HS2ST1: variants seen among roughly 807,000 people sequenced by gnomAD.
HS2ST1 encodes heparan sulfate 2-O-sulfotransferase 1, also known as 2-O-sulfotransferase.
A neutral mutation model predicts 42.9 loss-of-function variants in HS2ST1; 18 were observed. The ratio of observed to expected loss-of-function variants is 0.42; its 90% CI spans 0.29 to 0.62. The LOEUF (loss-of-function observed/expected upper bound fraction) is 0.62, where lower values mean the gene tolerates loss of function less well. HS2ST1 is among the 20% of genes least tolerant of loss of function. HS2ST1 has a pLI of 0.21. For missense variants in HS2ST1, 334 were observed against 433.8 expected, an observed-to-expected ratio of 0.77 and a Z score of 2.04; for synonymous variants, 146 against 152.9, an observed-to-expected ratio of 0.95 and a Z score of 0.33.
chr1:87,065,449 A>G (rs1185456946), intron 1 of HS2ST1, among the ~76,000 whole-genome samples: 2 of 152,070 alleles, frequency 1.3e-5, no homozygotes, highest in East Asian at 3.9e-4. Context: ...CTTGCCTTTG[A>G]TCTTTACTTA....
In HS2ST1 at chr1:86,945,480, CTAAA is replaced by C. The variant is rs528942917; in HGVS notation, c.124+30323_124+30326del. On this transcript the variant is annotated intron_variant, in intron 1 of 6. Coordinates refer to ENST00000370550, the MANE Select transcript of HS2ST1 (RefSeq NM_012262.4). ...CTGAAGAAATTGGGATTTAGACAGACTAAATAGGTTATAAGACTCATGGAGCTAA... is the reference window on the plus strand; with the variant it reads ...CTGAAGAAATTGGGATTTAGACAGACTAGGTTATAAGACTCATGGAGCTAA... Among the ~76,000 whole-genome samples, 970 of 152,258 alleles carry C rather than the reference CTAAA, an allele frequency of 6.4e-3. 13 individuals are homozygous for C. The highest frequency in any genetic ancestry group is 8.6e-3 in the Non-Finnish European group (584 of 68,030).
intron 1 of HS2ST1, among the ~76,000 whole-genome samples, chr1:87,050,903 C>G (rs540733201): frequency 6.6e-6 from 1 of 152,228 alleles, no homozygotes; most frequent in South Asian, 2.1e-4. Flanking sequence ...GAATATTATA[C>G]TAAACAGTCT....
intron 1 of HS2ST1, among the ~76,000 whole-genome samples, chr1:86,925,183 C>G (rs1413593394): frequency 1.3e-5 from 2 of 152,166 alleles, no homozygotes; most frequent in Non-Finnish European, 2.9e-5. Context: ...GCTCCAGTTC[C>G]CAACAAATTC....
chr1:87,038,143 C>G (rs1650429448), intron 1 of HS2ST1, among the ~76,000 whole-genome samples: 1 of 152,028 alleles, frequency 6.6e-6, no homozygotes, highest in South Asian at 2.1e-4. Context: ...TCACAACCAT[C>G]TGTTTTATCA....
intron 1 of HS2ST1, among the ~76,000 whole-genome samples, chr1:86,932,782 C>G (rs1033995607): frequency 1.3e-5 from 2 of 152,026 alleles, no homozygotes; most frequent in African/African-American, 4.8e-5. Context: ...TTGTGGTAAA[C>G]CTGTCTTTCT....
intron 1 of HS2ST1, among the ~76,000 whole-genome samples, chr1:87,072,481 T>A (rs1161081276): frequency 8.2e-6 from 1 of 122,248 alleles, no homozygotes; most frequent in Admixed American, 9.8e-5. Flanking sequence ...CTGTGAAGTT[T>A]AGTATTCCAT....
At chr1:86,932,726 G>A (rs1660570067) in intron 1 of HS2ST1, among the ~76,000 whole-genome samples, 1 of 152,150 alleles carries the variant, frequency 6.6e-6, no homozygotes, top group South Asian at 2.1e-4. Flanking sequence ...TTCAAGGGGA[G>A]GAGACAGAAG....
At chr1:87,072,113 T>G (rs1651427542) in intron 1 of HS2ST1, among the ~76,000 whole-genome samples, 1 of 152,192 alleles carries the variant, frequency 6.6e-6, no homozygotes, top group African/African-American at 2.4e-5. Context: ...AAAATGTAAC[T>G]GCTTTTGAAA....
chr1:86,960,079 A>T (rs1487801482), intron 1 of HS2ST1, among the ~76,000 whole-genome samples: 3 of 152,192 alleles, frequency 2.0e-5, no homozygotes, highest in Admixed American at 2.0e-4. Context: ...TTGAAAGAAT[A>T]AATAGATCAT....
chr1:86,925,884 A>G (rs967695488), intron 1 of HS2ST1, among the ~76,000 whole-genome samples: 4 of 152,246 alleles, frequency 2.6e-5, no homozygotes, highest in South Asian at 2.1e-4. Context: ...GCTTTTCTCT[A>G]CATTATGGGC....
intron 1 of HS2ST1, among the ~76,000 whole-genome samples, chr1:87,008,908 A>C (rs945568261): frequency 6.6e-6 from 1 of 152,120 alleles, no homozygotes; most frequent in Non-Finnish European, 1.5e-5. Context: ...CAGTGGTGCA[A>C]TCATGGCTCA....
intron 1 of HS2ST1, 38 bp downstream of exon 1, chr1:86,915,198 A>G: frequency 1.9e-6 from 3 of 1,577,014 alleles, no homozygotes; most frequent in South Asian, 1.1e-5. Flanking sequence ...GTGCTGTGGA[A>G]GGGGCCGAGG....
intron 1 of HS2ST1, among the ~76,000 whole-genome samples, chr1:86,964,883 C>T (rs1425713036): frequency 6.6e-6 from 1 of 152,148 alleles, no homozygotes; most frequent in Non-Finnish European, 1.5e-5. Flanking sequence ...GATACACTCT[C>T]TTCATATGTG....
chr1:87,080,519 T>TG (rs961466166), intron 2 of HS2ST1, among the ~76,000 whole-genome samples: 14 of 152,156 alleles, frequency 9.2e-5, no homozygotes, highest in Non-Finnish European at 2.1e-4. Flanking sequence ...CAGAGCAATA[T>TG]GGCCAAATAG....
At chr1:86,958,229 G>C (rs535703992) in intron 1 of HS2ST1, among the ~76,000 whole-genome samples, 1 of 152,344 alleles carries the variant, frequency 6.6e-6, no homozygotes, top group South Asian at 2.1e-4. Context: ...ATAGCCTACT[G>C]TTGACTGGAA....
intron 1 of HS2ST1, among the ~76,000 whole-genome samples, chr1:86,973,785 G>C (rs1648309239): frequency 6.6e-6 from 1 of 152,104 alleles, no homozygotes; most frequent in Admixed American, 6.5e-5. Context: ...GGTTCTCCTT[G>C]AACCCAGTTT....
At chr1:86,933,789 A>T (rs1490156530) in intron 1 of HS2ST1, among the ~76,000 whole-genome samples, 5 of 148,908 alleles carry the variant, frequency 3.4e-5, no homozygotes. Context: ...TGTGGCCTAG[A>T]GGCCTATCTG....
chr1:87,075,909 A>G (rs896034285), intron 2 of HS2ST1, among the ~76,000 whole-genome samples: 1 of 152,170 alleles, frequency 6.6e-6, no homozygotes, highest in Non-Finnish European at 1.5e-5. Context: ...TGTGTATGTA[A>G]TATACACAAA....
At chr1:87,065,467 C>T (rs1651225352) in intron 1 of HS2ST1, among the ~76,000 whole-genome samples, 1 of 152,164 alleles carries the variant, frequency 6.6e-6, no homozygotes, top group Non-Finnish European at 1.5e-5. Context: ...TTACGAGTAA[C>T]CTATTTTTTC....
Sources: gnomAD v4.1 joint callset for allele counts (sites outside exome capture counted in the v4.1 genomes callset) on GRCh38, gnomAD v4.1.1 for gene constraint, MANE v1.5 for transcripts, NCBI Gene and HGNC (gene_info 2026-07-23, HGNC 2026-07-21) for gene names.